Variants in ZMIZ1 observed in about 807,000 individuals in gnomAD.
ZMIZ1 encodes the protein zinc finger MIZ-type containing 1.
A neutral mutation model predicts 113.9 loss-of-function variants in ZMIZ1; 17 were observed. The ratio of observed to expected loss-of-function variants is 0.15; its 90% CI spans 0.10 to 0.22. The LOEUF (loss-of-function observed/expected upper bound fraction) is 0.22. Ranked by LOEUF, ZMIZ1 falls within the 10% of genes least tolerant of loss-of-function variation. The probability of loss-of-function intolerance (pLI) is 1.00; values close to 1 mark genes in which losing one functional copy is unlikely to be tolerated. For synonymous variants in ZMIZ1, 607 were observed against 603.1 expected, an observed-to-expected ratio of 1.01 and a Z score of -0.09; for missense variants, 1,059 against 1,477.8, an observed-to-expected ratio of 0.72 and a Z score of 4.65.
chr10:79,158,994 G>A (rs1181668141), intron 3 of ZMIZ1, among the ~76,000 whole-genome samples: 1 of 152,156 alleles, frequency 6.6e-6, no homozygotes, highest in Non-Finnish European at 1.5e-5. Context: ...TTCTGGCCTC[G>A]CAGTGAGAAG....
At chr10:79,186,400 C>T (rs927392372) in intron 4 of ZMIZ1, among the ~76,000 whole-genome samples, 4 of 152,190 alleles carry the variant, frequency 2.6e-5, no homozygotes, top group Admixed American at 2.6e-4. Context: ...CTGGCGTGTC[C>T]CAGGCTGTGT....
intron 2 of ZMIZ1, among the ~76,000 whole-genome samples, chr10:79,133,556 A>G (rs1016272127): frequency 2.6e-5 from 4 of 152,154 alleles, no homozygotes; most frequent in Non-Finnish European, 5.9e-5. Flanking sequence ...CCAGCCCCTC[A>G]TACTGCCCTA....
intron 1 of ZMIZ1, among the ~76,000 whole-genome samples, chr10:79,102,439 A>C (rs1843398932): frequency 6.6e-6 from 1 of 152,224 alleles, no homozygotes; most frequent in African/African-American, 2.4e-5. Context: ...GGGCTGGGCC[A>C]GTGAATTCCA....
At chr10:79,283,087 A>G (rs533305944) in intron 8 of ZMIZ1, among the ~76,000 whole-genome samples, 1 of 152,380 alleles carries the variant, frequency 6.6e-6, no homozygotes, top group South Asian at 2.1e-4. Context: ...TTAAAGGCCT[A>G]ATAAATCTTG....
At position 79,162,193 on chromosome 10, in the gene ZMIZ1, A is replaced by C. The variant is rs140639935; in HGVS notation, c.-50+60A>C. ...GGTCGGACGCAGGTGAGTCCTCATG[A>C]GGGCAGGTGCTAGCCCTAGCACGCT... On this transcript the variant is annotated intron_variant, in intron 4 of 24. Coordinates refer to ENST00000334512, the MANE Select transcript of ZMIZ1 (RefSeq NM_020338.4). 1.0e-3 allele frequency: 410 copies of C among 398,898 alleles called. 1 individual carries two copies. The highest frequency in any genetic ancestry group is 7.7e-3 in the African/African-American group (377 of 48,758). 24.7% of individuals were successfully genotyped at this position (398,898 alleles called of 1,614,324 possible).
intron 3 of ZMIZ1, among the ~76,000 whole-genome samples, chr10:79,144,607 T>C (rs1355963725): frequency 6.6e-6 from 1 of 152,218 alleles, no homozygotes; most frequent in Non-Finnish European, 1.5e-5. Flanking sequence ...CTGCAGTCTT[T>C]GGCACCGGCT....
At chr10:79,295,182 G>A (rs1393081512) in intron 12 of ZMIZ1, 2 of 152,158 alleles carry the variant, frequency 1.3e-5, no homozygotes, top group Non-Finnish European at 2.9e-5. Context: ...TGTGCTGGGG[G>A]TGCATCTGTT....
chr10:79,198,287 G>C (rs1168246117), intron 4 of ZMIZ1, among the ~76,000 whole-genome samples: 1 of 152,146 alleles, frequency 6.6e-6, no homozygotes, highest in Non-Finnish European at 1.5e-5. Flanking sequence ...GCATTTCTTG[G>C]AGAGAAGAAG....
intron 4 of ZMIZ1, among the ~76,000 whole-genome samples, chr10:79,195,250 A>G (rs1185786220): frequency 6.6e-6 from 1 of 152,246 alleles, no homozygotes; most frequent in Non-Finnish European, 1.5e-5. Flanking sequence ...TGTGCTTTGC[A>G]GACAGCGAAA....
chr10:79,170,270 G>C (rs1323910628), intron 4 of ZMIZ1, among the ~76,000 whole-genome samples: 1 of 152,232 alleles, frequency 6.6e-6, no homozygotes, highest in Non-Finnish European at 1.5e-5. Flanking sequence ...TTTTCACACT[G>C]ATAAACCAGG....
intron 23 of ZMIZ1, 41 bp from the exon 24 acceptor site, chr10:79,310,883 C>A: frequency 6.3e-7 from 1 of 1,587,698 alleles, no homozygotes; most frequent in East Asian, 2.3e-5. Flanking sequence ...CGTGCCTCCT[C>A]ACCTCACCTC....
At chr10:79,070,426 G>T (rs1381712967) in intron 1 of ZMIZ1, among the ~76,000 whole-genome samples, 1 of 151,816 alleles carries the variant, frequency 6.6e-6, no homozygotes, top group East Asian at 1.9e-4. Context: ...CCCCGGAGCC[G>T]CCGGAGAAGG....
chr10:79,293,325 TG>T, intron 11 of ZMIZ1, 55 bp from the exon 12 acceptor site: 3 of 1,498,508 alleles, frequency 2.0e-6, no homozygotes, highest in Non-Finnish European at 2.7e-6. Flanking sequence ...TCAATGCATG[TG>T]GCATTTTATT....
chr10:79,311,499 C>T (rs923223615), intron 24 of ZMIZ1, among the ~76,000 whole-genome samples: 3 of 152,138 alleles, frequency 2.0e-5, no homozygotes, highest in Non-Finnish European at 4.4e-5. Context: ...TGCCCTCCCC[C>T]GATGGTGAGC....
At chr10:79,234,305 G>A (rs1014896800) in intron 7 of ZMIZ1, among the ~76,000 whole-genome samples, 14 of 152,232 alleles carry the variant, frequency 9.2e-5, no homozygotes, top group African/African-American at 3.1e-4. Flanking sequence ...GCAATGCCTC[G>A]TGCCCACGCC....
intron 7 of ZMIZ1, among the ~76,000 whole-genome samples, chr10:79,222,801 A>G (rs1849033717): frequency 3.9e-5 from 6 of 152,174 alleles, no homozygotes; most frequent in Admixed American, 3.9e-4. Context: ...CCCAGGGCTC[A>G]GAGAAAGACC....
intron 7 of ZMIZ1, among the ~76,000 whole-genome samples, chr10:79,232,511 T>C (rs991115986): frequency 6.6e-6 from 1 of 152,106 alleles, no homozygotes; most frequent in African/African-American, 2.4e-5. Flanking sequence ...GTAGAGGGCT[T>C]TGAGGATCAC....
chr10:79,200,658 G>T (rs1848035882), intron 4 of ZMIZ1, among the ~76,000 whole-genome samples: 1 of 152,178 alleles, frequency 6.6e-6, no homozygotes. Context: ...TTCCCTTTCT[G>T]TCTCTCAGCC....
At chr10:79,140,165 C>T (rs897959976) in intron 3 of ZMIZ1, among the ~76,000 whole-genome samples, 9 of 152,322 alleles carry the variant, frequency 5.9e-5, no homozygotes, top group African/African-American at 1.4e-4. Flanking sequence ...TCTAAGGCTA[C>T]GAGGTCCACA....
Sources: gnomAD v4.1 joint callset for allele counts (sites outside exome capture counted in the v4.1 genomes callset) on GRCh38, gnomAD v4.1.1 for gene constraint, MANE v1.5 for transcripts, NCBI Gene and HGNC (gene_info 2026-07-23, HGNC 2026-07-21) for gene names.